Variants in ZNRF2 observed in about 807,000 individuals in gnomAD.
ZNRF2 encodes zinc and ring finger 2, also known as E3 ubiquitin-protein ligase ZNRF2.
ZNRF2 carries 16 observed loss-of-function variants against 20.4 expected under a neutral mutation model. The observed-to-expected ratio is 0.79, with a 90% CI of 0.53 to 1.19. The LOEUF is 1.19. Among genes scored for constraint, ZNRF2 ranks in the 50% most tolerant of loss-of-function variants. ZNRF2 has a pLI of 0.00. For synonymous variants in ZNRF2, 178 were observed against 144.9 expected (o/e 1.23, Z -1.64); for missense variants, 363 against 332.4 (o/e 1.09, Z -0.72).
intron 1 of ZNRF2, among the ~76,000 whole-genome samples, chr7:30,305,310 T>C (rs750334604): frequency 5.3e-5 from 8 of 152,200 alleles, no homozygotes; most frequent in Non-Finnish European, 1.2e-4. Context: ...AATGTACTTA[T>C]TTTCTGAAGC....
chr7:30,289,867 C>A (rs757638598), intron 1 of ZNRF2: 75 of 534,384 alleles, frequency 1.4e-4, no homozygotes, highest in Non-Finnish European at 2.3e-4. Flanking sequence ...CTTACTCCCT[C>A]AGGCACATCT....
chr7:30,337,346 G>T lies in ZNRF2; in HGVS notation c.565+13609G>T, dbSNP rs974642217. On this transcript the variant is annotated intron_variant, in intron 2 of 4. Coordinates refer to ENST00000323037, the MANE Select transcript of ZNRF2 (RefSeq NM_147128.4). Reference sequence around the variant, plus strand: ...ACTTGCCAGCCAGCAAGTTAGCCTGGCTACATTTTTTTGGATTCCTACAGA... The same window carrying T: ...ACTTGCCAGCCAGCAAGTTAGCCTGTCTACATTTTTTTGGATTCCTACAGA... Among the ~76,000 whole-genome samples the T allele has an allele frequency of 3.7e-4, 57 of 152,174 alleles. 1 individual carries two copies. The highest frequency in any genetic ancestry group is 1.3e-3 in the African/African-American group (52 of 41,542).
intron 1 of ZNRF2, among the ~76,000 whole-genome samples, chr7:30,310,475 T>C (rs1799275286): frequency 6.6e-6 from 1 of 152,170 alleles, no homozygotes; most frequent in East Asian, 1.9e-4. Context: ...TTCCCTCTTT[T>C]TGTAGTTTGG....
At chr7:30,339,735 T>TTGGC (rs1440372018) in intron 2 of ZNRF2, among the ~76,000 whole-genome samples, 1 of 152,228 alleles carries the variant, frequency 6.6e-6, no homozygotes, top group Non-Finnish European at 1.5e-5. Context: ...TACGATTGTC[T>TTGGC]TGGCTCTATG....
Position 30,285,442 on chromosome 7 carries a change from G to A in ZNRF2, c.85G>A (p.Gly29Arg). ...CTCGGATCTACCTTCCAGTAGCAGC[G>A]GAGGCGCCAATGGGACCGCGGGCGG... ...SGSDLPSSSS[G>R]GANGTAGGGG... Residue 29 changes from glycine (G) to arginine (R), a missense_variant, in exon 1 of 5, where the codon GGA (glycine) becomes AGA (arginine). Physicochemically the swap from Gly to Arg is moderately radical, Grantham distance 125. Coordinates refer to ENST00000323037, the MANE Select transcript of ZNRF2 (RefSeq NM_147128.4). 1 of 1,186,304 alleles carries A rather than the reference G, an allele frequency of 8.4e-7. No individual in the cohort carries two copies. The highest frequency in any genetic ancestry group is 1.1e-6 in the Non-Finnish European group (1 of 950,750). The allele number at this position is 1,186,304 out of a possible 1,614,324, so 73.5% of individuals were successfully genotyped here. A position where few individuals can be genotyped will look rare whatever the true frequency, so the allele number is the denominator to read the frequency against.
intron 2 of ZNRF2, among the ~76,000 whole-genome samples, chr7:30,338,532 T>A (rs1477062367): frequency 6.6e-6 from 1 of 151,228 alleles, no homozygotes; most frequent in Non-Finnish European, 1.5e-5. Flanking sequence ...GGTGTTTGGT[T>A]TTCTGTTCCT....
intron 1 of ZNRF2, among the ~76,000 whole-genome samples, chr7:30,310,344 T>A (rs1562608588): frequency 1.3e-5 from 2 of 152,338 alleles, no homozygotes; most frequent in Non-Finnish European, 2.9e-5. Context: ...TTCTTTCCTC[T>A]TTTGAAACAA....
At chr7:30,346,030 T>C (rs1383669995) in intron 2 of ZNRF2, among the ~76,000 whole-genome samples, 7 of 152,088 alleles carry the variant, frequency 4.6e-5, no homozygotes, top group Non-Finnish European at 5.9e-5. Context: ...GTAATTTTCG[T>C]TGGACAGTCT....
intron 1 of ZNRF2, among the ~76,000 whole-genome samples, chr7:30,299,163 C>G (rs1799067185): frequency 6.6e-6 from 1 of 152,096 alleles, no homozygotes; most frequent in South Asian, 2.1e-4. Context: ...CGTGGTGGCT[C>G]ACGCCTGTAA....
chr7:30,362,153 TTAAAG>T (rs1277940128), intron 3 of ZNRF2, among the ~76,000 whole-genome samples: 1 of 152,210 alleles, frequency 6.6e-6, no homozygotes, highest in Non-Finnish European at 1.5e-5. Context: ...TGTTTGAACT[TTAAAG>T]TACTTTATAG....
intron 2 of ZNRF2, among the ~76,000 whole-genome samples, chr7:30,348,844 G>A (rs1489575193): frequency 6.6e-6 from 1 of 152,134 alleles, no homozygotes; most frequent in African/African-American, 2.4e-5. Flanking sequence ...ACTGATTATA[G>A]TCAGCCTGCT....
At chr7:30,341,197 GA>G (rs1461276665) in intron 2 of ZNRF2, among the ~76,000 whole-genome samples, 1 of 152,012 alleles carries the variant, frequency 6.6e-6, no homozygotes, top group Non-Finnish European at 1.5e-5. Context: ...TGGATTCATT[GA>G]TTTTTTTTGG....
intron 2 of ZNRF2, among the ~76,000 whole-genome samples, chr7:30,333,334 A>T (rs189864746): frequency 6.9e-6 from 1 of 144,802 alleles, no homozygotes; most frequent in African/African-American, 2.6e-5. Flanking sequence ...GATTACAGGC[A>T]TGAGCCACTG....
intron 1 of ZNRF2, among the ~76,000 whole-genome samples, chr7:30,306,575 T>C (rs1176044500): frequency 6.6e-6 from 1 of 152,158 alleles, no homozygotes; most frequent in Non-Finnish European, 1.5e-5. Context: ...TTCCAGTCAC[T>C]GAAATACTAA....
chr7:30,354,431 TCTC>T (rs932931493), intron 2 of ZNRF2, among the ~76,000 whole-genome samples: 2 of 152,158 alleles, frequency 1.3e-5, no homozygotes, highest in African/African-American at 4.8e-5. Flanking sequence ...CCTGGTATCT[TCTC>T]TTATGTAGAC....
chr7:30,313,583 CAAAT>C (rs1380316193), intron 1 of ZNRF2, among the ~76,000 whole-genome samples: 2 of 152,052 alleles, frequency 1.3e-5, no homozygotes, highest in Non-Finnish European at 1.5e-5. Flanking sequence ...TGAAAACAAA[CAAAT>C]AGACTGTAAC....
chr7:30,333,676 G>A (rs1041846354), intron 2 of ZNRF2, among the ~76,000 whole-genome samples: 1 of 152,116 alleles, frequency 6.6e-6, no homozygotes, highest in Admixed American at 6.5e-5. Flanking sequence ...CCCATATTTT[G>A]ACTTTTTAAT....
At chr7:30,358,935 G>A (rs901356980) in intron 3 of ZNRF2, among the ~76,000 whole-genome samples, 2 of 152,098 alleles carry the variant, frequency 1.3e-5, no homozygotes, top group African/African-American at 4.8e-5. Flanking sequence ...TAGAGTATAA[G>A]GGTATAAACA....
chr7:30,299,409 A>G (rs1799072085), intron 1 of ZNRF2, among the ~76,000 whole-genome samples: 2 of 151,310 alleles, frequency 1.3e-5, no homozygotes, highest in Admixed American at 6.6e-5. Flanking sequence ...ACAAGGGCGA[A>G]ACTATGTCTC....
Sources: gnomAD v4.1 joint callset for allele counts (sites outside exome capture counted in the v4.1 genomes callset) on GRCh38, gnomAD v4.1.1 for gene constraint, MANE v1.5 for transcripts, NCBI Gene and HGNC (gene_info 2026-07-23, HGNC 2026-07-21) for gene names.